Variants in ZNF385B observed in about 807,000 individuals in gnomAD.
The protein encoded by ZNF385B is zinc finger protein 385B.
Under a neutral mutation model 39.2 loss-of-function variants are expected in ZNF385B, and 23 were observed. The ratio of observed to expected loss-of-function variants is 0.59; its 90% CI spans 0.42 to 0.83. The LOEUF (loss-of-function observed/expected upper bound fraction) is 0.83. Among genes scored for constraint, ZNF385B ranks in the 40% least tolerant of loss-of-function variants. The pLI, the probability that ZNF385B is intolerant of heterozygous loss-of-function variation, is 0.00. For synonymous variants in ZNF385B, 205 were observed against 222.6 expected, an observed-to-expected ratio of 0.92 and a Z score of 0.70; for missense variants, 552 against 598.9, an observed-to-expected ratio of 0.92 and a Z score of 0.82.
intron 3 of ZNF385B, among the ~76,000 whole-genome samples, chr2:179,762,280 C>T (rs1377666772): frequency 6.6e-6 from 1 of 152,122 alleles, no homozygotes; most frequent in Non-Finnish European, 1.5e-5. Context: ...ACCTCCACCT[C>T]CCAGGTTCAA....
chr2:179,729,895 T>C (rs527580571), intron 3 of ZNF385B, among the ~76,000 whole-genome samples: 59 of 152,304 alleles, frequency 3.9e-4, no homozygotes, highest in African/African-American at 1.3e-3. Flanking sequence ...AAGATGTATC[T>C]GCTTCCCCTT....
chr2:179,487,984 T>C (rs2105627206), intron 5 of ZNF385B, among the ~76,000 whole-genome samples: 1 of 152,344 alleles, frequency 6.6e-6, no homozygotes, highest in South Asian at 2.1e-4. Flanking sequence ...TTGCTAAAGC[T>C]CTTCACTTTC....
chr2:179,471,943 A>G (rs966601486), intron 6 of ZNF385B, among the ~76,000 whole-genome samples: 4 of 152,212 alleles, frequency 2.6e-5, no homozygotes, highest in African/African-American at 7.2e-5. Context: ...TAGTACTTTA[A>G]GTAATTCCCC....
At chr2:179,671,453 T>A (rs1240197308) in intron 3 of ZNF385B, among the ~76,000 whole-genome samples, 1 of 152,174 alleles carries the variant, frequency 6.6e-6, no homozygotes, top group Admixed American at 6.5e-5. Context: ...GAAAAGCATA[T>A]TCAAGACAAA....
At chr2:179,738,260 A>T (rs1272943376) in intron 3 of ZNF385B, among the ~76,000 whole-genome samples, 1 of 152,194 alleles carries the variant, frequency 6.6e-6, no homozygotes, top group Non-Finnish European at 1.5e-5. Flanking sequence ...TATAATTCGA[A>T]TGTTACATAA....
intron 3 of ZNF385B, among the ~76,000 whole-genome samples, chr2:179,664,682 T>G (rs1694926354): frequency 6.6e-6 from 1 of 152,128 alleles, no homozygotes; most frequent in Non-Finnish European, 1.5e-5. Flanking sequence ...TAAAATATAT[T>G]AAGTGATATA....
chr2:179,695,361 T>C (rs118109849), intron 3 of ZNF385B, among the ~76,000 whole-genome samples: 1 of 152,026 alleles, frequency 6.6e-6, no homozygotes, highest in East Asian at 1.9e-4. Flanking sequence ...AACTAAACAA[T>C]GTTGTGCCTC....
At chr2:179,521,642 C>T (rs2105817934) in intron 4 of ZNF385B, among the ~76,000 whole-genome samples, 1 of 152,216 alleles carries the variant, frequency 6.6e-6, no homozygotes, top group African/African-American at 2.4e-5. Flanking sequence ...AGGCAAGTTT[C>T]CATCCATCTG....
At chr2:179,475,226 T>G (rs1408125766) in intron 6 of ZNF385B, among the ~76,000 whole-genome samples, 1 of 151,904 alleles carries the variant, frequency 6.6e-6, no homozygotes, top group East Asian at 1.9e-4. Context: ...CAACACAGAT[T>G]ATAGACCATT....
chr2:179,640,414 T>C (rs1692163878), intron 3 of ZNF385B, among the ~76,000 whole-genome samples: 1 of 152,152 alleles, frequency 6.6e-6, no homozygotes, highest in Non-Finnish European at 1.5e-5. Context: ...TATATACGCA[T>C]ATTAATGATA....
chr2:179,583,855 A>T, intron 3 of ZNF385B: 2 of 1,265,342 alleles, frequency 1.6e-6, no homozygotes, highest in Non-Finnish European at 2.1e-6. Flanking sequence ...CAGGAGTGAA[A>T]CCTCAGATCT....
At chr2:179,493,550 T>C (rs1046781952) in intron 5 of ZNF385B, among the ~76,000 whole-genome samples, 11 of 93,862 alleles carry the variant, frequency 1.2e-4, no homozygotes, top group South Asian at 7.0e-4. Context: ...TACATACGTG[T>C]ACATGCACAT....
chr2:179,551,064 A>G (rs1252597767), intron 3 of ZNF385B, among the ~76,000 whole-genome samples: 2 of 152,114 alleles, frequency 1.3e-5, no homozygotes. Context: ...CTATCTGGCA[A>G]TATTACGTAA....
intron 1 of ZNF385B, among the ~76,000 whole-genome samples, chr2:179,851,322 C>T (rs1282130184): frequency 6.6e-6 from 1 of 152,200 alleles, no homozygotes; most frequent in Non-Finnish European, 1.5e-5. Context: ...TAGTGGTGCA[C>T]ACCTGTAGTC....
At chr2:179,754,723 G>T (rs356412) in intron 3 of ZNF385B, among the ~76,000 whole-genome samples, 69,536 of 151,912 alleles carry the variant, frequency 0.46, 16,043 homozygotes, top group Middle Eastern at 0.55. Flanking sequence ...TTGCATACAG[G>T]TGTTTATAGT....
intron 6 of ZNF385B, among the ~76,000 whole-genome samples, chr2:179,469,835 A>G (rs911265647): frequency 1.3e-5 from 2 of 152,204 alleles, no homozygotes; most frequent in East Asian, 1.9e-4. Context: ...ACTTGGCGCT[A>G]TGAGCTGTTA....
At chr2:179,677,392 A>C (rs1203012143) in intron 3 of ZNF385B, among the ~76,000 whole-genome samples, 2 of 152,208 alleles carry the variant, frequency 1.3e-5, no homozygotes, top group African/African-American at 4.8e-5. Context: ...AAACAACAGG[A>C]AGTGAAGTTA....
Position 179,457,885 on chromosome 2 carries a change from G to T in ZNF385B, c.716-11115C>A, listed in dbSNP as rs187176525. On this transcript the variant is annotated intron_variant, in intron 6 of 9. Coordinates refer to ENST00000410066, the MANE Select transcript of ZNF385B (RefSeq NM_152520.6). ...AACCCCAATTGTTTAAAAAGACAAA[G>T]CCCCAAGGCTTAAATAGAGTAAGCA... 5.2e-3 allele frequency among the ~76,000 whole-genome samples: 795 copies of T among 152,212 alleles called. 26 individuals are homozygous for T. Among genetic ancestry groups the T allele is most frequent in the Admixed American group, 0.048 (726 of 15,272 alleles).
chr2:179,575,365 A>T (rs1462115012), intron 3 of ZNF385B, among the ~76,000 whole-genome samples: 1 of 152,202 alleles, frequency 6.6e-6, no homozygotes, highest in Admixed American at 6.5e-5. Flanking sequence ...TATTTCAACT[A>T]TAGTTATAAT....
Sources: gnomAD v4.1 joint callset for allele counts (sites outside exome capture counted in the v4.1 genomes callset) on GRCh38, gnomAD v4.1.1 for gene constraint, MANE v1.5 for transcripts, NCBI Gene and HGNC (gene_info 2026-07-23, HGNC 2026-07-21) for gene names.